Variants in MDGA2 observed in about 807,000 individuals in gnomAD.
The protein encoded by MDGA2 is MAM domain containing glycosylphosphatidylinositol anchor 2, also known as MAM domain-containing glycosylphosphatidylinositol anchor protein 2.
In MDGA2, 40 loss-of-function variants were observed where a neutral mutation model predicts 117.8. That is an observed-to-expected ratio of 0.34 (90% CI 0.26 to 0.44). The LOEUF (loss-of-function observed/expected upper bound fraction) is 0.44. MDGA2 is among the 20% of genes least tolerant of loss of function. The pLI is 1.00. For synonymous variants in MDGA2, 452 were observed against 439.0 expected (o/e 1.03, Z -0.37); for missense variants, 1,123 against 1,250.6 (o/e 0.90, Z 1.54).
chr14:47,481,966 T>G (rs866895081), intron 1 of MDGA2, among the ~76,000 whole-genome samples: 3 of 152,082 alleles, frequency 2.0e-5, no homozygotes, highest in Middle Eastern at 3.4e-3. Context: ...TACCCCCAAT[T>G]CAGTAATGTT....
intron 8 of MDGA2, among the ~76,000 whole-genome samples, chr14:47,019,609 C>A (rs968144669): frequency 6.6e-6 from 1 of 151,908 alleles, no homozygotes; most frequent in Non-Finnish European, 1.5e-5. Context: ...TTTGGAAGGC[C>A]GAGGCGGGCG....
intron 1 of MDGA2, among the ~76,000 whole-genome samples, chr14:47,637,497 CA>C (rs1463166074): frequency 6.6e-6 from 1 of 152,096 alleles, no homozygotes; most frequent in Non-Finnish European, 1.5e-5. Context: ...ATAACCAGTA[CA>C]AAAATTTAGT....
chr14:47,034,034 G>T (rs1046785654), intron 8 of MDGA2, among the ~76,000 whole-genome samples: 3 of 152,118 alleles, frequency 2.0e-5, no homozygotes, highest in Admixed American at 2.0e-4. Context: ...TGAAGTGCAT[G>T]GTTTCACCTA....
intron 1 of MDGA2, among the ~76,000 whole-genome samples, chr14:47,344,755 CA>C (rs60963279): frequency 0.63 from 95,328 of 150,566 alleles, 30,570 homozygotes; most frequent in East Asian, 0.89. Context: ...GAGTTACATG[CA>C]AAAAAAAATA....
chr14:47,457,802 AT>A (rs998991296), intron 1 of MDGA2, among the ~76,000 whole-genome samples: 1 of 85,604 alleles, frequency 1.2e-5, no homozygotes, highest in Non-Finnish European at 2.1e-5. Flanking sequence ...CCACAGAGTC[AT>A]TTTTTTCTGT....
intron 7 of MDGA2, among the ~76,000 whole-genome samples, chr14:47,052,414 C>T (rs1450049527): frequency 6.6e-6 from 1 of 151,760 alleles, no homozygotes; most frequent in Non-Finnish European, 1.5e-5. Context: ...GTTGTAAAGT[C>T]AAACCTTTGT....
At chr14:47,612,621 T>C (rs962197339) in intron 1 of MDGA2, among the ~76,000 whole-genome samples, 1 of 152,186 alleles carries the variant, frequency 6.6e-6, no homozygotes, top group East Asian at 1.9e-4. Flanking sequence ...TTACTGGCTA[T>C]GAGAAACTAT....
chr14:47,214,024 A>G (rs1395869074), intron 3 of MDGA2, among the ~76,000 whole-genome samples: 3 of 152,144 alleles, frequency 2.0e-5, no homozygotes, highest in Non-Finnish European at 2.9e-5. Context: ...AGGGGGGTAA[A>G]GAGTCCCTCA....
At chr14:46,968,603 G>A (rs1886130287) in intron 8 of MDGA2, among the ~76,000 whole-genome samples, 1 of 152,072 alleles carries the variant, frequency 6.6e-6, no homozygotes, top group Admixed American at 6.6e-5. Flanking sequence ...GGAAGCCAAG[G>A]TGGGTGGATC....
intron 8 of MDGA2, among the ~76,000 whole-genome samples, chr14:47,015,101 A>C (rs1888035590): frequency 6.6e-6 from 1 of 152,140 alleles, no homozygotes; most frequent in Non-Finnish European, 1.5e-5. Context: ...GAAAGACATG[A>C]GAACAGCCAG....
At chr14:47,526,174 G>T (rs150702098) in intron 1 of MDGA2, among the ~76,000 whole-genome samples, 2 of 151,748 alleles carry the variant, frequency 1.3e-5, no homozygotes, top group Admixed American at 6.6e-5. Flanking sequence ...ATACTTAGGC[G>T]TTCCTGATAA....
chr14:47,117,851 T>C (rs1279411719), intron 5 of MDGA2, among the ~76,000 whole-genome samples: 1 of 152,122 alleles, frequency 6.6e-6, no homozygotes. Context: ...GCAATTATAG[T>C]CAACAATAAT....
At chr14:47,274,838 G>T (rs1012842837) in intron 2 of MDGA2, among the ~76,000 whole-genome samples, 1 of 152,006 alleles carries the variant, frequency 6.6e-6, no homozygotes, top group African/African-American at 2.4e-5. Context: ...TGTATTTTAC[G>T]CACTTATTGA....
At chr14:47,149,044 G>C (rs116816187) in intron 3 of MDGA2, among the ~76,000 whole-genome samples, 4,276 of 152,220 alleles carry the variant, frequency 0.028, 177 homozygotes, top group African/African-American at 0.098. Flanking sequence ...AATCCCAGCA[G>C]TTTGGGAGAC....
chr14:47,400,648 T>G (rs1053460558), intron 1 of MDGA2, among the ~76,000 whole-genome samples: 1 of 148,034 alleles, frequency 6.8e-6, no homozygotes. Context: ...ATCGTGCCAC[T>G]GCACTCCAAC....
intron 14 of MDGA2, among the ~76,000 whole-genome samples, chr14:46,866,804 C>G (rs1363714088): frequency 6.6e-6 from 1 of 152,148 alleles, no homozygotes; most frequent in Non-Finnish European, 1.5e-5. Flanking sequence ...CTCACCATCA[C>G]TGGCCATCAG....
chr14:47,223,298 C>A (rs1187150489), intron 2 of MDGA2, among the ~76,000 whole-genome samples: 1 of 152,026 alleles, frequency 6.6e-6, no homozygotes, highest in Non-Finnish European at 1.5e-5. Context: ...AAAATATAAA[C>A]CTTAAGTACC....
At chr14:47,379,215 C>T (rs532396041) in intron 1 of MDGA2, among the ~76,000 whole-genome samples, 18 of 152,118 alleles carry the variant, frequency 1.2e-4, no homozygotes, top group African/African-American at 2.2e-4. Flanking sequence ...CTGAAGGAAG[C>T]GCTAAACATG....
Position 47,561,157 on chromosome 14 carries a change from TG to T in MDGA2, c.280+113359del, listed in dbSNP as rs1168751981. Among the ~76,000 whole-genome samples, 1,316 of 68,508 alleles carry T rather than the reference TG, an allele frequency of 0.019. 126 individuals carry two copies. In the East Asian group the frequency reaches 0.22, roughly 11 times the overall value. The allele number at this position is 68,508 out of a possible 152,430, so 44.9% of individuals were successfully genotyped here. Reference sequence around the variant, plus strand: ...TCTATCTTTGTTTTTTTTTTTGTTTTGTTTTGTTTTTTTGTTTGTTTGTTTT... The same window carrying T: ...TCTATCTTTGTTTTTTTTTTTGTTTTTTTTGTTTTTTTGTTTGTTTGTTTT... On this transcript the variant is annotated intron_variant, in intron 1 of 16. Transcript: ENST00000399232.
Sources: allele counts gnomAD v4.1 joint callset (sites outside exome capture counted in the v4.1 genomes callset), GRCh38; gene constraint gnomAD v4.1.1; transcripts MANE v1.5; gene names NCBI Gene and HGNC (gene_info 2026-07-23, HGNC 2026-07-21).